The following MNS1 variants were observed in gnomAD, a reference collection of about 807,000 sequenced individuals.
MNS1 encodes the protein meiosis-specific nuclear structural protein 1.
MNS1 carries 63 observed loss-of-function variants against 72.0 expected under a neutral mutation model. The observed-to-expected ratio is 0.87, with a 90% CI of 0.71 to 1.08. The LOEUF is 1.08. Among genes scored for constraint, MNS1 ranks in the 50% least tolerant of loss-of-function variants. MNS1 has a pLI of 0.00. For missense variants in MNS1, 604 were observed against 562.4 expected, an observed-to-expected ratio of 1.07 and a Z score of -0.75; for synonymous variants, 188 against 172.1, an observed-to-expected ratio of 1.09 and a Z score of -0.72.
chr15:56,438,705 C>G (rs1016574597), intron 7 of MNS1, among the ~76,000 whole-genome samples: 6 of 151,976 alleles, frequency 3.9e-5, no homozygotes, highest in Non-Finnish European at 8.8e-5. Flanking sequence ...GAGTGAACAG[C>G]CAACCTACAG....
In MNS1 at chr15:56,460,009, A is replaced by AAAAAAAATATAT; in HGVS notation, c.226-3489_226-3488insATATATTTTTTT. Among the ~76,000 whole-genome samples the AAAAAAAATATAT allele has an allele frequency of 1.1e-3, 29 of 26,372 alleles. 3 individuals are homozygous for AAAAAAAATATAT. The highest frequency in any genetic ancestry group is 3.0e-3 in the African/African-American group (20 of 6,648). The allele number at this position is 26,372 out of a possible 152,430, so 17.3% of individuals were successfully genotyped here. A position where few individuals can be genotyped will look rare whatever the true frequency, so the allele number is the denominator to read the frequency against. On this transcript the variant is annotated intron_variant, in intron 2 of 9. Transcript: ENST00000260453. ...CTGTCTCAAAAAAAAAAAAAAAAAA[A>AAAAAAAATATAT]ATACATATATATATATATATATATA...
intron 2 of MNS1, among the ~76,000 whole-genome samples, chr15:56,463,067 T>TA (rs2140385575): frequency 6.6e-6 from 1 of 152,314 alleles, no homozygotes; most frequent in South Asian, 2.1e-4. Context: ...ATGTTTAACA[T>TA]ACAGCAGCTA....
At chr15:56,434,108 G>C (rs374300317) in intron 8 of MNS1, 30 bp downstream of exon 8, 109 of 1,596,520 alleles carry the variant, frequency 6.8e-5, no homozygotes, top group Non-Finnish European at 8.6e-5. Context: ...TAATGATAAT[G>C]ACCAAAAAAA....
Position 56,443,483 on chromosome 15 carries a change from G to A in MNS1, c.958C>T (p.Arg320Ter), listed in dbSNP as rs747360062. The A allele has an allele frequency of 6.9e-6, 11 of 1,598,428 alleles. No individual in the cohort carries two copies. The highest frequency in any genetic ancestry group is 2.2e-5 in the East Asian group (1 of 44,582). Residue 320 changes from arginine (R) to a stop codon, truncating the protein, a stop_gained, in exon 7 of 10, where the codon CGA becomes TGA. Coordinates refer to ENST00000260453, the MANE Select transcript of MNS1 (RefSeq NM_018365.4). LOFTEE classifies it high-confidence loss of function. ...LRQREDLEQV[R>*]QELYQEEQAE... is the part of the protein sequence containing the mutation. Reference sequence around the variant, plus strand: ...TGTTCTTCCTGGTATAATTCTTGTCGCACTTGTTCCAAATCTTCACGTTGC... The same window carrying A: ...TGTTCTTCCTGGTATAATTCTTGTCACACTTGTTCCAAATCTTCACGTTGC...
intron 3 of MNS1, among the ~76,000 whole-genome samples, chr15:56,454,099 C>CTA (rs35105694): frequency 1 from 152,071 of 152,268 alleles, 75,937 homozygotes; most frequent in Middle Eastern, 1. Context: ...GAGGCATACT[C>CTA]TGTGAAAGAG....
At chr15:56,442,145 C>T (rs1258276258) in intron 7 of MNS1, among the ~76,000 whole-genome samples, 1 of 152,094 alleles carries the variant, frequency 6.6e-6, no homozygotes, top group Non-Finnish European at 1.5e-5. Flanking sequence ...CTCAATATCA[C>T]TAATCATTAG....
intron 3 of MNS1, among the ~76,000 whole-genome samples, chr15:56,450,285 C>T (rs1461008794): frequency 6.6e-6 from 1 of 152,008 alleles, no homozygotes; most frequent in Non-Finnish European, 1.5e-5. Context: ...AATTTGCCAT[C>T]CTAACCATTT....
chr15:56,439,301 A>G (rs1447824525), intron 7 of MNS1, among the ~76,000 whole-genome samples: 4 of 152,310 alleles, frequency 2.6e-5, no homozygotes, highest in African/African-American at 7.2e-5. Flanking sequence ...AATTGTGTTC[A>G]TGAACTTAAT....
chr15:56,433,633 C>T (rs900415554), intron 8 of MNS1, among the ~76,000 whole-genome samples: 1 of 152,030 alleles, frequency 6.6e-6, no homozygotes, highest in Non-Finnish European at 1.5e-5. Context: ...TCCCTATCTC[C>T]GAGCTTACTC....
rs1262244919 is a variant in MNS1 at position 56,434,337 on chromosome 15, T to A, written c.1070A>T (p.Gln357Leu). 1.2e-6 allele frequency: 2 copies of A among 1,613,530 alleles called. No individual in the cohort carries two copies. Among genetic ancestry groups the A allele is most frequent in the African/African-American group, 2.7e-5 (2 of 74,930 alleles). Residue 357 changes from glutamine to leucine, a missense_variant, in exon 8 of 10, where the codon CAA becomes CTA. Physicochemically the swap from Gln to Leu is moderately radical, Grantham distance 113. Coordinates refer to ENST00000260453, the MANE Select transcript of MNS1 (RefSeq NM_018365.4). ...TAGCACTAATTCCTTCAAGGCCATT[T>A]GTTCTTCAAAATCTTGCTTCATCTC... ...QKEMKQDFEE[Q>L]MALKELVLQA...
chr15:56,451,466 C>T (rs1385914741), intron 3 of MNS1, among the ~76,000 whole-genome samples: 1 of 152,084 alleles, frequency 6.6e-6, no homozygotes, highest in East Asian at 1.9e-4. Context: ...AAAATTGGTT[C>T]TGAGAGTTTC....
At position 56,429,010 on chromosome 15, in the gene MNS1, T is replaced by C. The variant is rs563617463; in HGVS notation, c.*91A>G. 2.3e-5 allele frequency: 15 copies of C among 658,968 alleles called. No homozygotes were observed. The highest frequency in any genetic ancestry group is 3.3e-5 in the Non-Finnish European group (13 of 399,614). 40.8% of individuals were successfully genotyped at this position (658,968 alleles called of 1,614,324 possible). A position where few individuals can be genotyped will look rare whatever the true frequency, so the allele number is the denominator to read the frequency against. The stretch of plus-strand genomic sequence containing the variant: ...TTACAAAATCCAAACAGACAATGGA[T>C]ACCTAATGCCACTGAACTGTAAAAC... On this transcript the variant is annotated 3_prime_UTR_variant, in exon 10 of 10. Transcript: ENST00000260453.
chr15:56,434,004 A>AATTTATATAT, intron 8 of MNS1, 134 bp downstream of exon 8: 1 of 971,528 alleles, frequency 1.0e-6, no homozygotes, highest in Non-Finnish European at 1.4e-6. Flanking sequence ...ATGGTCAGAA[A>AATTTATATAT]ATTTATATAT....
chr15:56,457,804 A>G (rs1425334029), intron 2 of MNS1, among the ~76,000 whole-genome samples: 1 of 150,822 alleles, frequency 6.6e-6, no homozygotes, highest in African/African-American at 2.4e-5. Context: ...ACAGAGCAAG[A>G]CCCTGTCTCT....
chr15:56,459,092 A>G (rs1423261183), intron 2 of MNS1, among the ~76,000 whole-genome samples: 1 of 152,212 alleles, frequency 6.6e-6, no homozygotes, highest in Admixed American at 6.5e-5. Flanking sequence ...CCTGTAACCT[A>G]TTAGCAGTCA....
chr15:56,433,536 T>G (rs1271055265), intron 8 of MNS1, among the ~76,000 whole-genome samples: 2 of 152,204 alleles, frequency 1.3e-5, no homozygotes, highest in Non-Finnish European at 2.9e-5. Flanking sequence ...TTCCGTATCC[T>G]TAACATCTCT....
chr15:56,433,793 G>T (rs1156350398), intron 8 of MNS1, among the ~76,000 whole-genome samples: 2 of 152,008 alleles, frequency 1.3e-5, no homozygotes, highest in Non-Finnish European at 2.9e-5. Context: ...TTCTCTCTCT[G>T]CCATACCAAA....
At chr15:56,462,267 AT>A (rs2051028488) in intron 2 of MNS1, among the ~76,000 whole-genome samples, 2 of 152,200 alleles carry the variant, frequency 1.3e-5, no homozygotes, top group African/African-American at 4.8e-5. Context: ...GAAAGAAAAA[AT>A]TCTTTTGTGA....
intron 2 of MNS1, among the ~76,000 whole-genome samples, chr15:56,460,678 C>T (rs1444949117): frequency 2.6e-5 from 4 of 152,152 alleles, no homozygotes; most frequent in Non-Finnish European, 4.4e-5. Context: ...TAAAAATATG[C>T]ATATTTCCAA....
Sources: allele counts gnomAD v4.1 joint callset (sites outside exome capture counted in the v4.1 genomes callset), GRCh38; gene constraint gnomAD v4.1.1; transcripts MANE v1.5; gene names NCBI Gene and HGNC (gene_info 2026-07-23, HGNC 2026-07-21).